Variants in TOR1AIP2 observed in about 807,000 individuals in gnomAD.
TOR1AIP2 encodes the protein torsin 1A interacting protein 2.
Under a neutral mutation model 32.6 loss-of-function variants are expected in TOR1AIP2, and 20 were observed. The ratio of observed to expected loss-of-function variants is 0.61; its 90% CI spans 0.43 to 0.89. The LOEUF (loss-of-function observed/expected upper bound fraction) is 0.89. TOR1AIP2 is among the 40% of genes least tolerant of loss of function. The probability of loss-of-function intolerance (pLI) is 0.00; values close to 1 mark genes in which losing one functional copy is unlikely to be tolerated. For missense variants in TOR1AIP2, 456 were observed against 553.8 expected (o/e 0.82, Z 1.77); for synonymous variants, 214 against 210.8 (o/e 1.02, Z -0.13).
At chr1:179,870,944 C>T (rs535202632) in intron 2 of TOR1AIP2, among the ~76,000 whole-genome samples, 5 of 152,202 alleles carry the variant, frequency 3.3e-5, no homozygotes, top group African/African-American at 7.2e-5. Flanking sequence ...ATTTGAGGAG[C>T]GCACCATGTG....
Position 179,853,289 on chromosome 1 carries a change from G to A in TOR1AIP2, c.-146-478C>T, listed in dbSNP as rs181429004. ...CCACAAACTGAGATGGCTGCTTTGA[G>A]GTGTACCACTACACATTTGGACTGA... On this transcript the variant is annotated intron_variant, in intron 3 of 6. Transcript: ENST00000609928. 3.1e-3 allele frequency among the ~76,000 whole-genome samples: 473 copies of A among 152,292 alleles called. 1 individual carries two copies. The highest frequency in any genetic ancestry group is 5.9e-3 in the Non-Finnish European group (399 of 68,020).
Position 179,843,181 on chromosome 1 carries a change from G to C in TOR1AIP2, c.*2890C>G, listed in dbSNP as rs915469749. The stretch of plus-strand genomic sequence containing the variant: ...AAAATAGTCATTTTAGTCATGAGAA[G>C]ACCCAGAGCTAATATACTGCTTCTT... On this transcript the variant is annotated 3_prime_UTR_variant, in exon 7 of 7. Transcript: ENST00000609928. The C allele has an allele frequency of 1.3e-5, 2 of 151,474 alleles. No individual in the cohort carries two copies. The highest frequency in any genetic ancestry group is 2.9e-5 in the Non-Finnish European group (2 of 67,990). 9.4% of individuals were successfully genotyped at this position (151,474 alleles called of 1,614,324 possible). A position where few individuals can be genotyped will look rare whatever the true frequency, so the allele number is the denominator to read the frequency against.
At chr1:179,870,712 C>T (rs1696981595) in intron 2 of TOR1AIP2, among the ~76,000 whole-genome samples, 1 of 152,104 alleles carries the variant, frequency 6.6e-6, no homozygotes, top group Non-Finnish European at 1.5e-5. Flanking sequence ...TAAAAACTTC[C>T]ATTATTTTAA....
intron 6 of TOR1AIP2, among the ~76,000 whole-genome samples, chr1:179,847,060 G>A (rs1055652200): frequency 6.6e-6 from 1 of 152,182 alleles, no homozygotes; most frequent in Admixed American, 6.5e-5. Flanking sequence ...CTACGTGGAA[G>A]AGTTAAGTAC....
At chr1:179,847,761 C>T (rs990668008) in intron 5 of TOR1AIP2, 125 bp from the exon 6 acceptor site, 21 of 672,794 alleles carry the variant, frequency 3.1e-5, no homozygotes, top group Admixed American at 1.8e-4. Context: ...TGGCCAGGTA[C>T]GGTGGCTCAT....
At chr1:179,862,642 G>GCCCT in intron 3 of TOR1AIP2, 1 of 985,332 alleles carries the variant, frequency 1.0e-6, no homozygotes, top group Non-Finnish European at 1.2e-6. Context: ...TGCTAAAAGA[G>GCCCT]CCCTGGTCAG....
intron 3 of TOR1AIP2, among the ~76,000 whole-genome samples, chr1:179,857,638 C>G (rs1301992240): frequency 6.6e-6 from 1 of 152,150 alleles, no homozygotes; most frequent in East Asian, 1.9e-4. Context: ...TACCAAATGA[C>G]TTTTTACATA....
In TOR1AIP2 at chr1:179,852,516, A is replaced by T. The variant is rs1277631136; in HGVS notation, c.34+116T>A. On this transcript the variant is annotated intron_variant, in intron 4 of 6. Coordinates refer to ENST00000609928, the MANE Select transcript of TOR1AIP2 (RefSeq NM_001199260.2). Reference sequence around the variant, plus strand: ...AAGTATAATCAAAACAAATGAACCCACTGAATTAGCTTTTTTACTTCAAAA... The same window carrying T: ...AAGTATAATCAAAACAAATGAACCCTCTGAATTAGCTTTTTTACTTCAAAA... 127 of 1,047,314 alleles carry T rather than the reference A, an allele frequency of 1.2e-4. No homozygotes were observed. The East Asian group carries it at 3.0e-3, about 25-fold the overall frequency. The allele number at this position is 1,047,314 out of a possible 1,614,324, so 64.9% of individuals were successfully genotyped here.
At position 179,840,124 on chromosome 1, in the gene TOR1AIP2, A is replaced by AT. The variant is rs369923704; in HGVS notation, c.*5946dup. On this transcript the variant is annotated 3_prime_UTR_variant, in exon 7 of 7. Coordinates refer to ENST00000609928, the MANE Select transcript of TOR1AIP2 (RefSeq NM_001199260.2). Reference sequence around the variant, plus strand: ...ACGTTAGTATTGGCAAAGCACACATATTTTTTGTTAAGCACAAATAAGCAA... The same window carrying AT: ...ACGTTAGTATTGGCAAAGCACACATATTTTTTTGTTAAGCACAAATAAGCAA... The AT allele has an allele frequency of 6.6e-6, 1 of 152,144 alleles. No homozygotes were observed. The highest frequency in any genetic ancestry group is 1.5e-5 in the Non-Finnish European group (1 of 68,032). 9.4% of individuals were successfully genotyped at this position (152,144 alleles called of 1,614,324 possible).
rs1337723482 is a variant in TOR1AIP2, at chr1:179,861,731, A to G, written c.-147+3705T>C. On this transcript the variant is annotated intron_variant, in intron 3 of 6. Coordinates refer to ENST00000609928, the MANE Select transcript of TOR1AIP2 (RefSeq NM_001199260.2). ...ATAAATGGTACTATCTTGCAGTACT[A>G]TGAGTATTCTGCTCCCATCCTTTTA... 5.1e-6 allele frequency: 5 copies of G among 985,458 alleles called. No individual in the cohort carries two copies. In the South Asian group the frequency reaches 1.4e-4, roughly 28 times the overall value. The allele number at this position is 985,458 out of a possible 1,614,324, so 61.0% of individuals were successfully genotyped here.
rs1242795508 is a variant in TOR1AIP2 at position 179,842,426 on chromosome 1, C to A, written c.*3645G>T. Reference sequence around the variant, plus strand: ...CATTACTATTTTAGTGATATGAACACCTTTAGTGATATGAACTTGTCCGCC... The same window carrying A: ...CATTACTATTTTAGTGATATGAACAACTTTAGTGATATGAACTTGTCCGCC... On this transcript the variant is annotated 3_prime_UTR_variant, in exon 7 of 7. Transcript: ENST00000609928. The A allele has an allele frequency of 6.6e-6, 1 of 152,110 alleles. No homozygotes were observed. The highest frequency in any genetic ancestry group is 2.4e-5 in the African/African-American group (1 of 41,430). 9.4% of individuals were successfully genotyped at this position (152,110 alleles called of 1,614,324 possible).
At chr1:179,860,971 G>A (rs1696507267) in intron 3 of TOR1AIP2, 4 of 985,390 alleles carry the variant, frequency 4.1e-6, no homozygotes, top group African/African-American at 1.7e-5. Flanking sequence ...GTAACTCAGA[G>A]ATGAATCTTA....
chr1:179,867,462 C>G (rs1256011298), intron 2 of TOR1AIP2: 2 of 152,268 alleles, frequency 1.3e-5, no homozygotes, highest in Admixed American at 1.3e-4. Context: ...AATCTTGGGT[C>G]TCTAGTCATG....
chr1:179,851,206 T>C lies in TOR1AIP2; in HGVS notation c.192A>G (p.Ala64=). The change falls in exon 5 of 7, where the codon GCA becomes GCG. Residue 64 remains alanine, a synonymous_variant. Transcript: ENST00000609928. ...QEVETEGPES[A]DTGDKSESPD... ...GACTTTCTGATTTATCACCTGTATC[T>C]GCACTTTCTGGACCTTCTGTCTCTA... 6.2e-7 allele frequency: 1 copy of C among 1,614,046 alleles called. No homozygotes were observed. Among genetic ancestry groups the C allele is most frequent in the Non-Finnish European group, 8.5e-7 (1 of 1,180,034 alleles).
chr1:179,859,403 T>C, intron 3 of TOR1AIP2: 4 of 985,318 alleles, frequency 4.1e-6, no homozygotes, highest in Non-Finnish European at 4.8e-6. Context: ...ACTCAGGTAG[T>C]CTAGCTGTGG....
chr1:179,859,898 G>C, intron 3 of TOR1AIP2: 1 of 901,656 alleles, frequency 1.1e-6, no homozygotes, highest in Non-Finnish European at 1.3e-6. Flanking sequence ...TACCATCATA[G>C]CTCACTGCAG....
At chr1:179,861,198 T>C (rs1488441539) in intron 3 of TOR1AIP2, 1 of 985,348 alleles carries the variant, frequency 1.0e-6, no homozygotes, top group East Asian at 1.1e-4. Context: ...TAGCTCACAC[T>C]ATTTAAAACA....
intron 4 of TOR1AIP2, 66 bp from the exon 5 acceptor site, chr1:179,851,429 G>T: frequency 3.3e-6 from 4 of 1,195,518 alleles, no homozygotes; most frequent in Non-Finnish European, 3.4e-6. Context: ...TTTTAACAAG[G>T]TCCCTGTTTA....
chr1:179,875,675 C>CA (rs1647259266), intron 2 of TOR1AIP2: 1 of 150,546 alleles, frequency 6.6e-6, no homozygotes, highest in Non-Finnish European at 1.5e-5. Flanking sequence ...TTTCGATTAC[C>CA]AAAATTATGT....
Sources: gnomAD v4.1 joint callset for allele counts (sites outside exome capture counted in the v4.1 genomes callset) on GRCh38, gnomAD v4.1.1 for gene constraint, MANE v1.5 for transcripts, NCBI Gene and HGNC (gene_info 2026-07-23, HGNC 2026-07-21) for gene names.